The following NEK6 variants were observed in gnomAD, a reference collection of about 807,000 sequenced individuals.
NEK6 encodes serine/threonine-protein kinase Nek6.
A neutral mutation model predicts 43.5 loss-of-function variants in NEK6; 27 were observed. The ratio of observed to expected loss-of-function variants is 0.62; its 90% CI spans 0.46 to 0.86. The LOEUF is 0.86. Among genes scored for constraint, NEK6 ranks in the 40% least tolerant of loss-of-function variants. The pLI is 0.00. For synonymous variants in NEK6, 167 were observed against 164.1 expected, an observed-to-expected ratio of 1.02 and a Z score of -0.14; for missense variants, 318 against 414.4, an observed-to-expected ratio of 0.77 and a Z score of 2.02.
chr9:124,307,403 T>A (rs1833309153), intron 2 of NEK6, among the ~76,000 whole-genome samples: 2 of 152,162 alleles, frequency 1.3e-5, no homozygotes. Flanking sequence ...CTCGGGGACC[T>A]TGGCCATCTC....
intron 1 of NEK6, among the ~76,000 whole-genome samples, chr9:124,270,414 G>C (rs1200070845): frequency 6.6e-6 from 1 of 152,186 alleles, no homozygotes; most frequent in Non-Finnish European, 1.5e-5. Context: ...GGTCCCCAGA[G>C]TGGGAGGGGA....
At chr9:124,270,094 G>A (rs1223755015) in intron 1 of NEK6, among the ~76,000 whole-genome samples, 1 of 152,136 alleles carries the variant, frequency 6.6e-6, no homozygotes, top group Non-Finnish European at 1.5e-5. Flanking sequence ...TGTCTGTGGG[G>A]CTTGCCACTG....
chr9:124,290,904 C>T (rs1481177749), intron 1 of NEK6, among the ~76,000 whole-genome samples: 1 of 152,204 alleles, frequency 6.6e-6, no homozygotes, highest in Non-Finnish European at 1.5e-5. Context: ...GGTAGCAGTT[C>T]CAGGGCCTGC....
chr9:124,334,176 G>A (rs1486854991), intron 7 of NEK6, among the ~76,000 whole-genome samples: 1 of 152,202 alleles, frequency 6.6e-6, no homozygotes, highest in African/African-American at 2.4e-5. Flanking sequence ...CTCCTGCAAG[G>A]TCCCAGCAGG....
intron 7 of NEK6, among the ~76,000 whole-genome samples, chr9:124,329,329 C>T (rs1365869297): frequency 2.0e-5 from 3 of 152,232 alleles, no homozygotes; most frequent in Non-Finnish European, 4.4e-5. Flanking sequence ...CGTCAGTCAG[C>T]ACCGAGCCTT....
chr9:124,282,076 A>G (rs1326685691), intron 1 of NEK6, among the ~76,000 whole-genome samples: 5 of 152,204 alleles, frequency 3.3e-5, no homozygotes, highest in Non-Finnish European at 1.5e-5. Flanking sequence ...TCCTAGGGAT[A>G]TTATAACAAA....
At chr9:124,345,298 A>C (rs888051137) in intron 8 of NEK6, among the ~76,000 whole-genome samples, 1 of 152,224 alleles carries the variant, frequency 6.6e-6, no homozygotes, top group Non-Finnish European at 1.5e-5. Flanking sequence ...TAATCCGCGC[A>C]GCCCAGAGCT....
At chr9:124,331,057 G>C (rs1828959144) in intron 7 of NEK6, among the ~76,000 whole-genome samples, 1 of 152,112 alleles carries the variant, frequency 6.6e-6, no homozygotes, top group Non-Finnish European at 1.5e-5. Flanking sequence ...GAGGTCAGGA[G>C]TTTGAGACCA....
At chr9:124,287,162 C>T (rs1564623098) in intron 1 of NEK6, among the ~76,000 whole-genome samples, 1 of 152,098 alleles carries the variant, frequency 6.6e-6, no homozygotes, top group Admixed American at 6.5e-5. Flanking sequence ...ATGGGGATCC[C>T]TAGGGGAAAG....
chr9:124,275,660 A>G lies in NEK6; in HGVS notation c.-30+17575A>G, dbSNP rs1418871508. Among the ~76,000 whole-genome samples, 1 of 152,164 alleles carries G rather than the reference A, an allele frequency of 6.6e-6. No individual in the cohort carries two copies. The highest frequency in any genetic ancestry group is 1.9e-4 in the East Asian group (1 of 5,176). On this transcript the variant is annotated intron_variant, in intron 1 of 9. Transcript: ENST00000320246. This position sits in a 1 kb window ranked among gnomAD's most constrained non-coding sequence, Gnocchi z 4.4. ...CATGGCCCCCCACCCTGTGAGGCCC[A>G]CTAATGGCCAGTCCCCTGCCCCAGG...
At chr9:124,263,632 T>C (rs1831118190) in intron 1 of NEK6, among the ~76,000 whole-genome samples, 1 of 152,212 alleles carries the variant, frequency 6.6e-6, no homozygotes. Context: ...GCCGGGACCC[T>C]TGGTCCGTGG....
At chr9:124,301,192 G>A (rs1832955118) in intron 1 of NEK6, among the ~76,000 whole-genome samples, 1 of 152,180 alleles carries the variant, frequency 6.6e-6, no homozygotes, top group Admixed American at 6.5e-5. Context: ...GATGGGGGAG[G>A]CCAGAGGCTA....
At chr9:124,311,238 G>A (rs969302740) in intron 2 of NEK6, among the ~76,000 whole-genome samples, 12 of 152,198 alleles carry the variant, frequency 7.9e-5, no homozygotes, top group African/African-American at 2.4e-4. Flanking sequence ...TACGGTGCCC[G>A]GCTCAGTGTG....
intron 1 of NEK6, among the ~76,000 whole-genome samples, chr9:124,260,279 T>C (rs1396609837): frequency 6.6e-6 from 1 of 152,214 alleles, no homozygotes; most frequent in Non-Finnish European, 1.5e-5. Context: ...CTGCTCATCG[T>C]AGATAGGGTT....
At chr9:124,314,955 C>T (rs1015791424) in intron 4 of NEK6, among the ~76,000 whole-genome samples, 9 of 152,254 alleles carry the variant, frequency 5.9e-5, no homozygotes, top group African/African-American at 1.2e-4. Context: ...CCACCGCACC[C>T]GGCCCCCCAT....
rs751111474 is a variant in NEK6, at chr9:124,347,792, C to G, written c.801C>G (p.Pro267=). The G allele has an allele frequency of 1.2e-6, 2 of 1,612,862 alleles. No individual in the cohort carries two copies. Among genetic ancestry groups the G allele is most frequent in the Admixed American group, 3.3e-5 (2 of 59,936 alleles). The change falls in exon 9 of 10, where the codon CCC becomes CCG. Residue 267 remains proline, a synonymous_variant. Transcript: ENST00000320246. ...AGAAGATCGAGCAGTGTGACTACCC[C>G]CCACTCCCCGGGGAGCACTACTCCG... ...LCQKIEQCDY[P]PLPGEHYSEK...
intron 4 of NEK6, among the ~76,000 whole-genome samples, chr9:124,318,029 G>A (rs1833902369): frequency 6.6e-6 from 1 of 151,952 alleles, no homozygotes; most frequent in Admixed American, 6.6e-5. Flanking sequence ...TATTCCTTTG[G>A]GTATATACCC....
chr9:124,319,939 C>T (rs1833985195), intron 4 of NEK6, among the ~76,000 whole-genome samples: 1 of 152,192 alleles, frequency 6.6e-6, no homozygotes, highest in South Asian at 2.1e-4. Flanking sequence ...AGTCTAGTCA[C>T]CCTGTGTAAA....
chr9:124,313,357 C>A (rs1833639729), intron 3 of NEK6, among the ~76,000 whole-genome samples: 2 of 151,956 alleles, frequency 1.3e-5, no homozygotes, highest in Admixed American at 1.3e-4. Context: ...CAAAAAAGGA[C>A]CAGTTTCTCT....
Sources: allele counts gnomAD v4.1 joint callset (sites outside exome capture counted in the v4.1 genomes callset), GRCh38; gene constraint gnomAD v4.1.1; non-coding constraint Gnocchi (gnomAD v3.1); transcripts MANE v1.5; gene names NCBI Gene and HGNC (gene_info 2026-07-23, HGNC 2026-07-21).